Variants in SSR3 observed in about 807,000 individuals in gnomAD.
SSR3 encodes the protein translocon-associated protein subunit gamma.
In SSR3, 10 loss-of-function variants were observed where a neutral mutation model predicts 22.1. That is an observed-to-expected ratio of 0.45 (90% CI 0.28 to 0.77). The LOEUF (loss-of-function observed/expected upper bound fraction) is 0.77. Ranked by LOEUF, SSR3 falls within the 30% of genes least tolerant of loss-of-function variation. The pLI is 0.13. For synonymous variants in SSR3, 104 were observed against 82.5 expected (o/e 1.26, Z -1.42); for missense variants, 181 against 220.5 (o/e 0.82, Z 1.13).
At chr3:156,549,110 T>C in intron 2 of SSR3, 107 bp from the exon 3 acceptor site, 1 of 1,107,704 alleles carries the variant, frequency 9.0e-7, no homozygotes, top group Non-Finnish European at 1.2e-6. Context: ...AACAGAATGA[T>C]ATTTCACATT....
At chr3:156,547,822 C>T (rs1719815000) in intron 3 of SSR3, among the ~76,000 whole-genome samples, 1 of 152,188 alleles carries the variant, frequency 6.6e-6, no homozygotes, top group Admixed American at 6.5e-5. Flanking sequence ...CATGCTGCTT[C>T]TCGTCAGACA....
chr3:156,545,691 TTAA>T (rs1199872423), intron 3 of SSR3, among the ~76,000 whole-genome samples: 1 of 152,196 alleles, frequency 6.6e-6, no homozygotes, highest in East Asian at 1.9e-4. Context: ...CACCATCGAC[TTAA>T]TAACTCTTCC....
intron 2 of SSR3, among the ~76,000 whole-genome samples, chr3:156,550,788 AG>A (rs1404180961): frequency 5.3e-5 from 8 of 152,254 alleles, no homozygotes; most frequent in African/African-American, 1.9e-4. Context: ...GGGCTCTCTT[AG>A]CCCCAACCTC....
intron 3 of SSR3, among the ~76,000 whole-genome samples, chr3:156,547,025 A>C (rs1331815161): frequency 6.6e-6 from 1 of 152,216 alleles, no homozygotes; most frequent in African/African-American, 2.4e-5. Flanking sequence ...GCTAGATCTT[A>C]ATGAGAGGCT....
At chr3:156,545,444 A>G (rs538479910) in intron 3 of SSR3, among the ~76,000 whole-genome samples, 33 of 152,290 alleles carry the variant, frequency 2.2e-4, no homozygotes, top group Middle Eastern at 6.8e-3. Context: ...CTTTGTAGAC[A>G]CTTTGTCTCC....
intron 3 of SSR3, 97 bp from the exon 4 acceptor site, chr3:156,544,536 CCTTGAGTGTTCT>C (rs1410438335): frequency 3.7e-5 from 37 of 993,448 alleles, no homozygotes; most frequent in Non-Finnish European, 4.8e-5. Context: ...ACAAGTTTTT[CCTTGAGTGTTCT>C]AGGGTAAGAA....
chr3:156,542,981 A>T lies in SSR3; in HGVS notation c.*222T>A. Reference sequence around the variant, plus strand: ...CATTGCAAGACATTTTTTTCCTTTTAATAAACGTCCTAGTACTCTGAGTTT... The same window carrying T: ...CATTGCAAGACATTTTTTTCCTTTTTATAAACGTCCTAGTACTCTGAGTTT... On this transcript the variant is annotated 3_prime_UTR_variant, in exon 5 of 5. Coordinates refer to ENST00000265044, the MANE Select transcript of SSR3 (RefSeq NM_007107.5). 2.3e-6 allele frequency: 1 copy of T among 437,546 alleles called. No individual in the cohort carries two copies. Among genetic ancestry groups the T allele is most frequent in the Non-Finnish European group, 4.1e-6 (1 of 246,746 alleles). 27.1% of individuals were successfully genotyped at this position (437,546 alleles called of 1,614,324 possible). A position where few individuals can be genotyped will look rare whatever the true frequency, so the allele number is the denominator to read the frequency against.
At chr3:156,553,253 CT>C (rs1470264642) in intron 2 of SSR3, among the ~76,000 whole-genome samples, 1 of 148,418 alleles carries the variant, frequency 6.7e-6, no homozygotes, top group Non-Finnish European at 1.5e-5. Flanking sequence ...TAGACCTTGT[CT>C]CAAAAAATAA....
Position 156,543,272 on chromosome 3 carries a change from G to A in SSR3, c.492-3C>T, listed in dbSNP as rs1719633254. 6.2e-7 allele frequency: 1 copy of A among 1,612,256 alleles called. No individual in the cohort carries two copies. The highest frequency in any genetic ancestry group is 2.2e-5 in the East Asian group (1 of 44,868). On this transcript the variant is annotated splice_polypyrimidine_tract_variant and splice_region_variant and intron_variant, in intron 4 of 4. Transcript: ENST00000265044. ...CACTTATGGACAATATGTAGTTCCT[G>A]TAAGAAATTTAATGTTATGGAAAAA...
At position 156,542,271 on chromosome 3, in the gene SSR3, G is replaced by A. The variant is rs185667653; in HGVS notation, c.*932C>T. The A allele has an allele frequency of 1.1e-4, 16 of 152,178 alleles. No homozygotes were observed. Among genetic ancestry groups the A allele is most frequent in the Non-Finnish European group, 2.1e-4 (14 of 68,026 alleles). 9.4% of individuals were successfully genotyped at this position (152,178 alleles called of 1,614,324 possible). ...GAACCTGTGAACTAAAGAGTCAAAT[G>A]TATGAAAGTCCTCATGGAAAAATGC... On this transcript the variant is annotated 3_prime_UTR_variant, in exon 5 of 5. Coordinates refer to ENST00000265044, the MANE Select transcript of SSR3 (RefSeq NM_007107.5).
chr3:156,553,471 C>A (rs1167372694), intron 2 of SSR3, among the ~76,000 whole-genome samples, 184 bp downstream of exon 2: 1 of 152,148 alleles, frequency 6.6e-6, no homozygotes, highest in Non-Finnish European at 1.5e-5. Context: ...TCAGAATGAT[C>A]ATTGTCTCTA....
intron 2 of SSR3, chr3:156,551,482 G>A (rs1227229586): frequency 6.6e-6 from 1 of 151,530 alleles, no homozygotes; most frequent in East Asian, 2.0e-4. Flanking sequence ...GCCCACATGA[G>A]CTGAATCCTG....
Position 156,543,029 on chromosome 3 carries a change from A to T in SSR3, c.*174T>A, listed in dbSNP as rs1161815137. The T allele has an allele frequency of 2.8e-5, 14 of 494,442 alleles. No homozygotes were observed. The Admixed American group carries it at 4.1e-4, about 14-fold the overall frequency. 30.6% of individuals were successfully genotyped at this position (494,442 alleles called of 1,614,324 possible). ...TTTCCCTTTCAATTCATTTAATTTC[A>T]ACAATCTGTCAAAAAACAGCCAATA... On this transcript the variant is annotated 3_prime_UTR_variant, in exon 5 of 5. Transcript: ENST00000265044.
Position 156,555,018 on chromosome 3 carries a change from G to A in SSR3, c.72C>T (p.Leu24=), listed in dbSNP as rs1442365355. Residue 24 remains leucine (L), a synonymous_variant, in exon 1 of 5, where the codon CTC becomes CTT. Coordinates refer to ENST00000265044, the MANE Select transcript of SSR3 (RefSeq NM_007107.5). The part of the protein sequence containing the change: ...DLLLQDFSRN[L]SAKSSALFFG... ...AGAAGAGCGCGGAGGACTTGGCCGA[G>A]AGATTGCGGCTGAAATCCTGCAGGA... 3.7e-6 allele frequency: 6 copies of A among 1,614,080 alleles called. No individual in the cohort carries two copies. Among genetic ancestry groups the A allele is most frequent in the Admixed American group, 3.3e-5 (2 of 60,034 alleles).
chr3:156,554,893 C>A, intron 1 of SSR3, 64 bp downstream of exon 1: 2 of 1,561,700 alleles, frequency 1.3e-6, no homozygotes, highest in Non-Finnish European at 1.7e-6. Context: ...CCGGGTCCTG[C>A]CACGTCCCCG....
rs1340645649 is a variant in SSR3, at chr3:156,544,333, T to C, written c.466A>G (p.Ile156Val). The change falls in exon 4 of 5, where the codon ATA (isoleucine) becomes GTA (valine). Residue 156 changes from isoleucine (I) to valine (V), a missense_variant. By Grantham distance (29) the Ile-to-Val change is conservative. Coordinates refer to ENST00000265044, the MANE Select transcript of SSR3 (RefSeq NM_007107.5). ...ACTGTGGGGTTGAAGTTCTTCAATA[T>C]GAAGAAGGAAGCAACAATGACCACG... ...LVVVIVASFF[I>V]LKNFNPTVNY... 6.3e-7 allele frequency: 1 copy of C among 1,593,812 alleles called. No homozygotes were observed. The highest frequency in any genetic ancestry group is 8.5e-7 in the Non-Finnish European group (1 of 1,170,296).
At chr3:156,549,575 A>G (rs1440090695) in intron 2 of SSR3, among the ~76,000 whole-genome samples, 26 of 152,110 alleles carry the variant, frequency 1.7e-4, no homozygotes, top group Admixed American at 1.7e-3. Flanking sequence ...ATCTTCAACT[A>G]CAAGGGTGTC....
At chr3:156,547,760 T>C (rs1256019757) in intron 3 of SSR3, among the ~76,000 whole-genome samples, 1 of 152,220 alleles carries the variant, frequency 6.6e-6, no homozygotes, top group Non-Finnish European at 1.5e-5. Flanking sequence ...ATCCACTTGA[T>C]AAAGTATTTC....
intron 2 of SSR3, among the ~76,000 whole-genome samples, chr3:156,553,035 A>C (rs1419198487): frequency 2.1e-5 from 3 of 145,488 alleles, no homozygotes. Flanking sequence ...AAAATGACAG[A>C]GAGTTAAAAA....
Sources: allele counts gnomAD v4.1 joint callset (sites outside exome capture counted in the v4.1 genomes callset), GRCh38; gene constraint gnomAD v4.1.1; transcripts MANE v1.5; gene names NCBI Gene and HGNC (gene_info 2026-07-23, HGNC 2026-07-21).